MUC5B: variants seen among roughly 807,000 people sequenced by gnomAD.
The protein encoded by MUC5B is mucin 5B, oligomeric mucus/gel-forming.
A neutral mutation model predicts 376.9 loss-of-function variants in MUC5B; 116 were observed. That is an observed-to-expected ratio of 0.31 (90% confidence interval 0.26 to 0.36). The LOEUF (loss-of-function observed/expected upper bound fraction) is 0.36. Ranked by LOEUF, MUC5B falls within the 10% of genes least tolerant of loss-of-function variation. The pLI, the probability that MUC5B is intolerant of heterozygous loss-of-function variation, is 1.00. For synonymous variants in MUC5B, 3,517 were observed against 3,390.9 expected (o/e 1.04, Z -1.29); for missense variants, 7,165 against 7,769.9 (o/e 0.92, Z 2.93).
chr11:1,254,065 G>A (rs1287063154), intron 33 of MUC5B, 27 bp from the exon 34 acceptor site: 7 of 1,600,896 alleles, frequency 4.4e-6, no homozygotes, highest in East Asian at 2.2e-5. Flanking sequence ...CACGGAGCCT[G>A]CCAGCCCGTC....
At position 1,246,004 on chromosome 11, in the gene MUC5B, T is replaced by C. The variant is rs1253871370; in HGVS notation, c.9124T>C (p.Ser3042Pro). The stretch of plus-strand genomic sequence containing the variant: ...AGCCACCAGTTCCAAAGCCACTTCC[T>C]CCTCCAGTCCAAGGACTGCAACCAC... ...PTATSSKATS[S>P]SSPRTATTLP... Residue 3042 changes from serine to proline, a missense_variant, in exon 31 of 49, where the codon TCC becomes CCC. Coordinates refer to ENST00000529681, the MANE Select transcript of MUC5B (RefSeq NM_002458.3). The C allele has an allele frequency of 6.2e-7, 1 of 1,611,722 alleles. No homozygotes were observed. Among genetic ancestry groups the C allele is most frequent in the East Asian group, 2.2e-5 (1 of 44,708 alleles).
In MUC5B at chr11:1,242,995, C is replaced by G. The variant is rs1862333262; in HGVS notation, c.6115C>G (p.Pro2039Ala). 1 of 1,613,138 alleles carries G rather than the reference C, an allele frequency of 6.2e-7. No individual in the cohort carries two copies. Among genetic ancestry groups the G allele is most frequent in the Non-Finnish European group, 8.5e-7 (1 of 1,179,486 alleles). The change falls in exon 31 of 49, where the codon CCC becomes GCC. Residue 2039 changes from proline to alanine, a missense_variant. Coordinates refer to ENST00000529681, the MANE Select transcript of MUC5B (RefSeq NM_002458.3). ...TGGGGCCACCGGCTCTGTGGCCACC[C>G]CCTCCTCCACCCCAGGAACAGCTCA... ...TTGATGSVAT[P>A]SSTPGTAHTT...
At position 1,257,182 on chromosome 11, in the gene MUC5B, A is replaced by G; in HGVS notation, c.16238-58A>G. 1.3e-6 allele frequency: 1 copy of G among 779,212 alleles called. No homozygotes were observed. The highest frequency in any genetic ancestry group is 2.4e-6 in the Non-Finnish European group (1 of 417,752). The allele number at this position is 779,212 out of a possible 1,614,324, so 48.3% of individuals were successfully genotyped here. A position where few individuals can be genotyped will look rare whatever the true frequency, so the allele number is the denominator to read the frequency against. On this transcript the variant is annotated intron_variant, in intron 39 of 48. Coordinates refer to ENST00000529681, the MANE Select transcript of MUC5B (RefSeq NM_002458.3). The surrounding 1 kb of genome is among the most constrained non-coding windows in gnomAD (Gnocchi z 8.9). The stretch of plus-strand genomic sequence containing the variant: ...GCCTGAGAGCACCTCCCATGGCCAG[A>G]GGCCCCTCCGCCTGCAAACTCAGCA...
rs1030369203 is a variant in MUC5B at position 1,252,713 on chromosome 11, T to G, written c.15046-96T>G. 1.8e-5 allele frequency: 27 copies of G among 1,472,570 alleles called. No homozygotes were observed. In the Admixed American group the frequency reaches 5.2e-4, roughly 28 times the overall value. 91.2% of individuals were successfully genotyped at this position (1,472,570 alleles called of 1,614,324 possible). On this transcript the variant is annotated intron_variant, in intron 32 of 48. Coordinates refer to ENST00000529681, the MANE Select transcript of MUC5B (RefSeq NM_002458.3). ...GCCGCCCTCCTCAGGCAGGCTCTTG[T>G]GGCCACCCGGGGCTTTGGGCCATGA...
intron 11 of MUC5B, 130 bp downstream of exon 11, chr11:1,230,273 C>A: frequency 7.5e-7 from 1 of 1,342,138 alleles, no homozygotes. Flanking sequence ...AGCCCTGGGT[C>A]CCCATGATGG....
rs1357567777 is a variant in MUC5B, at chr11:1,261,633, C to T, written c.*25C>T. 3 of 1,570,948 alleles carry T rather than the reference C, an allele frequency of 1.9e-6. No individual in the cohort carries two copies. Among genetic ancestry groups the T allele is most frequent in the Non-Finnish European group, 2.6e-6 (3 of 1,155,966 alleles). ...AGAACGTTCTGCCTCCATCCCCATG[C>T]TCTGTCCACCTGGAGCCAGGATGTG... On this transcript the variant is annotated 3_prime_UTR_variant, in exon 49 of 49. Coordinates refer to ENST00000529681, the MANE Select transcript of MUC5B (RefSeq NM_002458.3).
At chr11:1,240,536 C>A (rs1862257373) in intron 30 of MUC5B, among the ~76,000 whole-genome samples, 161 bp downstream of exon 30, 1 of 152,168 alleles carries the variant, frequency 6.6e-6, no homozygotes, top group Non-Finnish European at 1.5e-5. Flanking sequence ...CCCTGCGTGT[C>A]TCCAGGGGCT....
At position 1,226,269 on chromosome 11, in the gene MUC5B, C is replaced by A. The variant is rs1211980236; in HGVS notation, c.192C>A (p.Ser64Arg). The A allele has an allele frequency of 2.6e-6, 4 of 1,555,216 alleles. No individual in the cohort carries two copies. In the African/African-American group the frequency reaches 4.1e-5, roughly 16 times the overall value. ...TTCCACCCGTCACTGTCTTCCCCAG[C>A]CTGAGCCGTAAGCAGATGCTGCCCC... is the stretch of plus-strand genomic sequence containing the variant. Reference protein sequence around the residue: ...SFVPPVTVFPSLSPLNPAHNG... With the variant: ...SFVPPVTVFPRLSPLNPAHNG... The change falls in exon 3 of 49, where the codon AGC becomes AGA. Residue 64 changes from serine to arginine, a missense_variant. Around this residue, in one of 31 missense-constraint regions of MUC5B, gnomAD observed 640 missense variants for 733.0 expected, o/e 0.87. Coordinates refer to ENST00000529681, the MANE Select transcript of MUC5B (RefSeq NM_002458.3).
At position 1,239,717 on chromosome 11, in the gene MUC5B, G is replaced by A. The variant is rs56164830; in HGVS notation, c.3584-82G>A. The A allele has an allele frequency of 1.6e-4, 242 of 1,503,816 alleles. No individual in the cohort carries two copies. The African/African-American group carries it at 2.9e-3, about 18-fold the overall frequency. 93.2% of individuals were successfully genotyped at this position (1,503,816 alleles called of 1,614,324 possible). ...AGGCCCCTGCTGGCTGGTGGGGGGC[G>A]GCTACTCCCTGCAGCATGGAGCCCC... On this transcript the variant is annotated intron_variant, in intron 27 of 48. Coordinates refer to ENST00000529681, the MANE Select transcript of MUC5B (RefSeq NM_002458.3).
intron 1 of MUC5B, among the ~76,000 whole-genome samples, chr11:1,223,600 A>G (rs943406486): frequency 6.6e-6 from 1 of 152,060 alleles, no homozygotes; most frequent in African/African-American, 2.4e-5. Context: ...CCTGTCCAGG[A>G]CCGGCTCTAC....
rs1402799591 is a variant in MUC5B, at chr11:1,257,770, C to T, written c.16450+60C>T. The stretch of plus-strand genomic sequence containing the variant: ...GGTGAGGGGGGACAGAGCCGGTGCC[C>T]ACCAGGGGCCTGTGGGTTGGGCACA... On this transcript the variant is annotated intron_variant, in intron 41 of 48. Coordinates refer to ENST00000529681, the MANE Select transcript of MUC5B (RefSeq NM_002458.3). The surrounding 1 kb of genome is among the most constrained non-coding windows in gnomAD (Gnocchi z 8.9). 2.0e-6 allele frequency: 3 copies of T among 1,488,790 alleles called. No individual in the cohort carries two copies. Among genetic ancestry groups the T allele is most frequent in the African/African-American group, 1.4e-5 (1 of 72,314 alleles). 92.2% of individuals were successfully genotyped at this position (1,488,790 alleles called of 1,614,324 possible). A position where few individuals can be genotyped will look rare whatever the true frequency, so the allele number is the denominator to read the frequency against.
In MUC5B at chr11:1,258,172, G is replaced by C. The variant is rs1316865786; in HGVS notation, c.16524G>C (p.Glu5508Asp). 2 of 1,600,974 alleles carry C rather than the reference G, an allele frequency of 1.2e-6. No homozygotes were observed. The highest frequency in any genetic ancestry group is 1.7e-6 in the Non-Finnish European group (2 of 1,175,560). The change falls in exon 42 of 49, where the codon GAG becomes GAC. Residue 5508 changes from glutamate (E) to aspartate (D), a missense_variant. By Grantham distance (45) the Glu-to-Asp change is conservative (BLOSUM62 2). Around this residue, in one of 31 missense-constraint regions of MUC5B, gnomAD observed 842 missense variants for 1,016.9 expected, o/e 0.83. Coordinates refer to ENST00000529681, the MANE Select transcript of MUC5B (RefSeq NM_002458.3). The surrounding 1 kb of genome is among the most constrained non-coding windows in gnomAD (Gnocchi z 5.5). ...GGCAGGAGTCCATCTGCACCCAGGA[G>C]GAGGGCGACTGCTGTCCCACCTTCC... ...PPGQESICTQ[E>D]EGDCCPTFRC...
In MUC5B at chr11:1,250,373, C is replaced by A. The variant is rs4046527; in HGVS notation, c.13493C>A (p.Ser4498Tyr). The change falls in exon 31 of 49, where the codon TCC becomes TAC. Residue 4498 changes from serine (S) to tyrosine (Y), a missense_variant. Physicochemically the swap from Ser to Tyr is moderately radical, Grantham distance 144. Around this residue, in one of 31 missense-constraint regions of MUC5B, gnomAD observed 431 missense variants for 390.4 expected, o/e 1.10. Coordinates refer to ENST00000529681, the MANE Select transcript of MUC5B (RefSeq NM_002458.3). ...PTVTSSKATP[S>Y]SSPGTATALP... ...GTCACCAGCTCCAAAGCCACTCCCTCCTCCAGTCCAGGGACTGCAACTGCC... is the reference window on the plus strand; with the variant it reads ...GTCACCAGCTCCAAAGCCACTCCCTACTCCAGTCCAGGGACTGCAACTGCC... The A allele has an allele frequency of 6.2e-7, 1 of 1,613,534 alleles. No homozygotes were observed. The highest frequency in any genetic ancestry group is 2.2e-5 in the East Asian group (1 of 44,868).
chr11:1,243,937 G>C lies in MUC5B; in HGVS notation c.7057G>C (p.Glu2353Gln). ...CCGTGCGGCCGGAGGGGCCGTCTGT[G>C]AGCAGCCCCTGGGCCTCGAGTGCCG... ...NIRAAGGAVCEQPLGLECRAQ... is the reference protein window; with the variant it reads ...NIRAAGGAVCQQPLGLECRAQ... The change falls in exon 31 of 49, where the codon GAG becomes CAG. Residue 2353 changes from glutamate to glutamine, a missense_variant. This residue lies in a region of MUC5B where 25 missense variants were observed against 103.9 expected (regional missense o/e 0.24). Transcript: ENST00000529681. The C allele has an allele frequency of 6.2e-7, 1 of 1,606,168 alleles. No homozygotes were observed. Among genetic ancestry groups the C allele is most frequent in the Non-Finnish European group, 8.5e-7 (1 of 1,176,274 alleles).
rs370939860 is a variant in MUC5B at position 1,245,425 on chromosome 11, C to T, written c.8545C>T (p.Arg2849Cys). 8.0e-5 allele frequency: 124 copies of T among 1,559,032 alleles called. 14 individuals carry two copies. The highest frequency in any genetic ancestry group is 9.6e-5 in the Non-Finnish European group (110 of 1,150,290). Residue 2849 changes from arginine (R) to cysteine (C), a missense_variant, in exon 31 of 49, where the codon CGC (arginine) becomes TGC (cysteine). Physicochemically the swap from Arg to Cys is radical, Grantham distance 180 (BLOSUM62 -3). Coordinates refer to ENST00000529681, the MANE Select transcript of MUC5B (RefSeq NM_002458.3). Reference protein sequence around the residue: ...TTATATPSKTRTSTLLPSSPT... With the variant: ...TTATATPSKTCTSTLLPSSPT... ...GGCCACGGCCACACCCAGCAAGACC[C>T]GCACCTCGACCCTGCTGCCCAGCAG...
At chr11:1,251,866 C>T (rs1862709832) in intron 31 of MUC5B, 123 bp downstream of exon 31, 1 of 744,582 alleles carries the variant, frequency 1.3e-6, no homozygotes, top group Non-Finnish European at 2.2e-6. Flanking sequence ...ACTGGCCTCA[C>T]TTGGCCCCTC....
chr11:1,252,463 C>A lies in MUC5B; in HGVS notation c.14984C>A (p.Ser4995Tyr). The change falls in exon 32 of 49, where the codon TCC (serine) becomes TAC (tyrosine). Residue 4995 changes from serine (S) to tyrosine (Y), a missense_variant. Physicochemically the swap from Ser to Tyr is moderately radical, Grantham distance 144 (BLOSUM62 -2). Coordinates refer to ENST00000529681, the MANE Select transcript of MUC5B (RefSeq NM_002458.3). ...ACPTSPPPVS[S>Y]APLSSPSPAP... ...CCCACCTCCCCACCGCCAGTGTCCT[C>A]CGCCCCGCTGTCCTCGCCCTCCCCT... The A allele has an allele frequency of 6.2e-7, 1 of 1,606,940 alleles. No individual in the cohort carries two copies.
chr11:1,256,458 A>C (rs577372276), intron 38 of MUC5B: 11,920 of 295,820 alleles, frequency 0.04, 233 homozygotes, highest in Non-Finnish European at 0.048. Flanking sequence ...TGGCCCCGCC[A>C]CCGAGCCCCA....
chr11:1,228,409 G>A lies in MUC5B; in HGVS notation c.775-155G>A. On this transcript the variant is annotated intron_variant, in intron 7 of 48. Coordinates refer to ENST00000529681, the MANE Select transcript of MUC5B (RefSeq NM_002458.3). ...CTCCCCAAGGGCCAAGCAGAGCTCT[G>A]CATGGCCACAGTGGGTGGAAGGGGT... 8.7e-6 allele frequency: 6 copies of A among 689,492 alleles called. No homozygotes were observed. In the South Asian group the frequency reaches 1.2e-4, roughly 14 times the overall value. The allele number at this position is 689,492 out of a possible 1,614,324, so 42.7% of individuals were successfully genotyped here.
Sources: gnomAD v4.1 joint callset for allele counts (sites outside exome capture counted in the v4.1 genomes callset) on GRCh38, gnomAD v4.1.1 for gene constraint, gnomAD v4.1.1 regional missense constraint, Gnocchi (gnomAD v3.1) non-coding constraint, MANE v1.5 for transcripts, NCBI Gene and HGNC (gene_info 2026-07-23, HGNC 2026-07-21) for gene names.